Variants in TAPT1 observed in about 807,000 individuals in gnomAD.
TAPT1 encodes the protein transmembrane anterior posterior transformation protein 1 homolog.
Under a neutral mutation model 65.6 loss-of-function variants are expected in TAPT1, and 28 were observed. The observed-to-expected ratio is 0.43, with a 90% CI of 0.32 to 0.59. The LOEUF (loss-of-function observed/expected upper bound fraction) is 0.59, where lower values mean the gene tolerates loss of function less well. TAPT1 is among the 20% of genes least tolerant of loss of function. TAPT1 has a pLI of 0.09. For missense variants in TAPT1, 563 were observed against 679.9 expected (o/e 0.83, Z 1.91); for synonymous variants, 278 against 245.2 (o/e 1.13, Z -1.25).
At chr4:16,193,769 T>A (rs1351580264) in intron 3 of TAPT1, among the ~76,000 whole-genome samples, 1 of 152,046 alleles carries the variant, frequency 6.6e-6, no homozygotes, top group African/African-American at 2.4e-5. Context: ...CTCAGAAGAG[T>A]AGCACAGCTC....
Position 16,162,899 on chromosome 4 carries a change from T to C in TAPT1, c.*409A>G. The C allele has an allele frequency of 2.4e-6, 1 of 421,374 alleles. No individual in the cohort carries two copies. The highest frequency in any genetic ancestry group is 4.9e-6 in the Non-Finnish European group (1 of 202,200). The allele number at this position is 421,374 out of a possible 1,614,324, so 26.1% of individuals were successfully genotyped here. Reference sequence around the variant, plus strand: ...ACTGTTTGTGAAAATAGTATGAGACTGGAAAGATTACGTCGTGGTAAAAGT... The same window carrying C: ...ACTGTTTGTGAAAATAGTATGAGACCGGAAAGATTACGTCGTGGTAAAAGT... On this transcript the variant is annotated 3_prime_UTR_variant, in exon 14 of 14. Transcript: ENST00000405303.
chr4:16,163,661 T>A lies in TAPT1; in HGVS notation c.1475-124A>T. The A allele has an allele frequency of 4.3e-6, 3 of 692,234 alleles. No individual in the cohort carries two copies. The South Asian group carries it at 5.8e-5, about 13-fold the overall frequency. 42.9% of individuals were successfully genotyped at this position (692,234 alleles called of 1,614,324 possible). A position where few individuals can be genotyped will look rare whatever the true frequency, so the allele number is the denominator to read the frequency against. On this transcript the variant is annotated intron_variant, in intron 13 of 13. Transcript: ENST00000405303. ...TATCCATGCTTTCCGATAAAGCAAA[T>A]GATAACCAAATAGCATGTTGTATAA...
At chr4:16,175,626 C>G (rs965598336) in intron 9 of TAPT1, among the ~76,000 whole-genome samples, 2 of 152,044 alleles carry the variant, frequency 1.3e-5, no homozygotes, top group African/African-American at 2.4e-5. Context: ...TAGAAATTAT[C>G]CAGAACATCT....
chr4:16,181,960 TGAA>T (rs1748737427), intron 7 of TAPT1, among the ~76,000 whole-genome samples: 1 of 152,172 alleles, frequency 6.6e-6, no homozygotes, highest in African/African-American at 2.4e-5. Context: ...TTTTATAAGA[TGAA>T]GGATGTGAAG....
At position 16,169,659 on chromosome 4, in the gene TAPT1, T is replaced by G. The variant is rs576708118; in HGVS notation, c.1313+994A>C. ...CACACAGCTCTGCAGGACAAGGGCCTGAGCCCGCTACTGCAGGAGCTGGGA... is the reference window on the plus strand; with the variant it reads ...CACACAGCTCTGCAGGACAAGGGCCGGAGCCCGCTACTGCAGGAGCTGGGA... On this transcript the variant is annotated intron_variant, in intron 12 of 13. Coordinates refer to ENST00000405303, the MANE Select transcript of TAPT1 (RefSeq NM_153365.3). Among the ~76,000 whole-genome samples the G allele has an allele frequency of 2.6e-5, 4 of 152,358 alleles. No homozygotes were observed. The East Asian group carries it at 7.7e-4, about 29-fold the overall frequency.
Position 16,186,547 on chromosome 4 carries a change from T to C in TAPT1, c.904A>G (p.Met302Val). Residue 302 changes from methionine to valine, a missense_variant, in exon 7 of 14, where the codon ATG becomes GTG. Met to Val is a conservative substitution (Grantham distance 21). This residue lies in a region of TAPT1 where 217 missense variants were observed against 317.5 expected (regional missense o/e 0.68). Transcript: ENST00000405303. ...KKFEKNNLFQ[M>V]SNSDIKERFT... is the part of the protein sequence containing the mutation. ...TAATTGTACATACCGCTATTTGACA[T>C]TTGAAAGAGATTGTTCTTTTCAAAC... 6.5e-7 allele frequency: 1 copy of C among 1,532,862 alleles called. No homozygotes were observed. The highest frequency in any genetic ancestry group is 8.9e-7 in the Non-Finnish European group (1 of 1,129,378). The allele number at this position is 1,532,862 out of a possible 1,614,324, so 95.0% of individuals were successfully genotyped here. A position where few individuals can be genotyped will look rare whatever the true frequency, so the allele number is the denominator to read the frequency against.
Position 16,226,112 on chromosome 4 carries a change from G to C in TAPT1, c.199+147C>G, listed in dbSNP as rs976599951. ...CGGCCGCGGAGCCTCGGCAGCCTCG[G>C]CGGCTCCGCGCGCCCACAGCCTGGG... On this transcript the variant is annotated intron_variant, in intron 1 of 13. Transcript: ENST00000405303. 21 of 1,030,874 alleles carry C rather than the reference G, an allele frequency of 2.0e-5. No individual in the cohort carries two copies. The African/African-American group carries it at 3.5e-4, about 17-fold the overall frequency. 63.9% of individuals were successfully genotyped at this position (1,030,874 alleles called of 1,614,324 possible).
At chr4:16,218,625 G>A (rs1011586839) in intron 1 of TAPT1, among the ~76,000 whole-genome samples, 3 of 152,198 alleles carry the variant, frequency 2.0e-5, no homozygotes, top group Non-Finnish European at 4.4e-5. Context: ...GAAAATGGAA[G>A]CTTAGAGCAG....
chr4:16,180,492 G>C (rs889096528), intron 7 of TAPT1, among the ~76,000 whole-genome samples: 3 of 152,106 alleles, frequency 2.0e-5, no homozygotes, highest in Non-Finnish European at 2.9e-5. Flanking sequence ...CTTTTTTACA[G>C]TCTGCTGTCA....
At chr4:16,226,497 G>C (rs1333911940), upstream of TAPT1, 1 of 1,029,422 alleles carries the variant, frequency 9.7e-7, no homozygotes, top group Non-Finnish European at 1.2e-6. Flanking sequence ...CCTCCCTCCA[G>C]CCTCTGCCTC....
intron 13 of TAPT1, among the ~76,000 whole-genome samples, chr4:16,166,337 C>A (rs956530902): frequency 6.6e-6 from 1 of 152,256 alleles, no homozygotes; most frequent in African/African-American, 2.4e-5. Context: ...TACCCCTCTT[C>A]CCGACAATCT....
rs557328701 is a variant in TAPT1, at chr4:16,223,823, G to C, written c.199+2436C>G. 2.0e-4 allele frequency among the ~76,000 whole-genome samples: 30 copies of C among 152,236 alleles called. No individual in the cohort carries two copies. The South Asian group carries it at 6.0e-3, about 31-fold the overall frequency. ...CACCACGTTTTATTTTATTCAGATG[G>C]AAAGAGTTTGGATAAGTACCTAATA... On this transcript the variant is annotated intron_variant, in intron 1 of 13. Coordinates refer to ENST00000405303, the MANE Select transcript of TAPT1 (RefSeq NM_153365.3).
chr4:16,187,138 T>C (rs1033054505), intron 5 of TAPT1, among the ~76,000 whole-genome samples: 12 of 152,172 alleles, frequency 7.9e-5, no homozygotes, highest in African/African-American at 2.9e-4. Flanking sequence ...TGCAACAGGG[T>C]TGTTTTGTTC....
intron 8 of TAPT1, among the ~76,000 whole-genome samples, chr4:16,177,476 C>T (rs776724597): frequency 2.0e-5 from 3 of 152,144 alleles, no homozygotes; most frequent in Non-Finnish European, 2.9e-5. Context: ...GCTATCCCGG[C>T]TGACAGTGTA....
intron 6 of TAPT1, 58 bp downstream of exon 6, chr4:16,186,723 G>T (rs1749040216): frequency 2.1e-6 from 3 of 1,419,584 alleles, no homozygotes; most frequent in Non-Finnish European, 2.0e-6. Context: ...CCCACCCAGA[G>T]TATTGCAGCT....
chr4:16,202,506 GA>G lies in TAPT1; in HGVS notation c.404del (p.Phe135SerfsTer15). ...AAGTGAGGAGCCTGAATAGTGCCAG[GA>G]AAACTCTTAAAGGAAGCAGGGTGAA... ...YVFTLLPLRV[F>X]LALFRLLTLP... On this transcript the variant is annotated frameshift_variant, in exon 3 of 14. Transcript: ENST00000405303. LOFTEE classifies it high-confidence loss of function. The G allele has an allele frequency of 6.4e-7, 1 of 1,552,162 alleles. No homozygotes were observed. Among genetic ancestry groups the G allele is most frequent in the Admixed American group, 2.0e-5 (1 of 51,134 alleles).
chr4:16,209,561 G>A (rs79646201), intron 2 of TAPT1, among the ~76,000 whole-genome samples: 1 of 152,160 alleles, frequency 6.6e-6, no homozygotes, highest in Non-Finnish European at 1.5e-5. Context: ...GATTCACAAA[G>A]ATGACAAAAT....
intron 2 of TAPT1, among the ~76,000 whole-genome samples, chr4:16,207,569 C>T (rs73130456): frequency 0.17 from 26,436 of 152,168 alleles, 2,809 homozygotes; most frequent in East Asian, 0.3. Flanking sequence ...TATTAGACCT[C>T]TTGAGATGAC....
In TAPT1 at chr4:16,162,439, T is replaced by C. The variant is rs901694183; in HGVS notation, c.*869A>G. Reference sequence around the variant, plus strand: ...TGTACATTGACAATTTTTCAGCCTGTTCAACATCGAATCCTTTTAGCTGTA... The same window carrying C: ...TGTACATTGACAATTTTTCAGCCTGCTCAACATCGAATCCTTTTAGCTGTA... On this transcript the variant is annotated 3_prime_UTR_variant, in exon 14 of 14. Transcript: ENST00000405303. The C allele has an allele frequency of 6.5e-6, 1 of 152,796 alleles. No individual in the cohort carries two copies. The highest frequency in any genetic ancestry group is 1.5e-5 in the Non-Finnish European group (1 of 68,128). 9.5% of individuals were successfully genotyped at this position (152,796 alleles called of 1,614,324 possible).
Sources: gnomAD v4.1 joint callset for allele counts (sites outside exome capture counted in the v4.1 genomes callset) on GRCh38, gnomAD v4.1.1 for gene constraint, gnomAD v4.1.1 regional missense constraint, MANE v1.5 for transcripts, NCBI Gene and HGNC (gene_info 2026-07-23, HGNC 2026-07-21) for gene names.